Variants in TAB3 observed in about 807,000 individuals in gnomAD.
TAB3 encodes TGF-beta-activated kinase 1 and MAP3K7-binding protein 3.
Under a neutral mutation model 48.1 loss-of-function variants are expected in TAB3, and 18 were observed. The observed-to-expected ratio is 0.37, with a 90% confidence interval of 0.26 to 0.55. The LOEUF is 0.55. Ranked by LOEUF, TAB3 falls within the 20% of genes least tolerant of loss-of-function variation. The pLI is 0.78. For synonymous variants in TAB3, 185 were observed against 190.2 expected (o/e 0.97, Z 0.22); for missense variants, 414 against 549.8 (o/e 0.75, Z 2.47).
intron 8 of TAB3, chrX:30,846,106 AT>A: frequency 1.1e-6 from 1 of 918,101 alleles, no homozygotes; most frequent in Middle Eastern, 3.7e-4. Context: ...AACTATGATT[AT>A]AGTTGAATGT....
At chrX:30,878,516 A>AGAAAG (rs1555947183) in intron 1 of TAB3, among the ~76,000 whole-genome samples, 3 of 79,604 alleles carry the variant, frequency 3.8e-5, no homozygotes, top group Non-Finnish European at 6.9e-5. Flanking sequence ...AAAAAAAAAA[A>AGAAAG]AAAGAAAGAA....
chrX:30,834,081 T>C lies in TAB3; in HGVS notation c.1960A>G (p.Ile654Val), dbSNP rs1938113315. Residue 654 changes from isoleucine (I) to valine (V), a missense_variant, in exon 10 of 11, where the codon ATC becomes GTC. Coordinates refer to ENST00000288422, the MANE Select transcript of TAB3 (RefSeq NM_152787.5). ...ISVTSKVQAD[I>V]HDTQAAAADE... ...GCAGCTGCTGCCTGGGTGTCATGGA[T>C]GTCTGCCTGTACTTTGGAGGTCACG... 1 of 1,209,839 alleles carries C rather than the reference T, an allele frequency of 8.3e-7. No individual in the cohort carries two copies. Among genetic ancestry groups the C allele is most frequent in the Non-Finnish European group, 1.1e-6 (1 of 895,206 alleles).
intron 4 of TAB3, among the ~76,000 whole-genome samples, chrX:30,861,094 T>C (rs1774738326): frequency 8.9e-6 from 1 of 111,774 alleles, no homozygotes; most frequent in Non-Finnish European, 1.9e-5. Context: ...CTCCTATTTT[T>C]AGTCAGTTTA....
chrX:30,854,238 C>G lies in TAB3; in HGVS notation c.1427G>C (p.Arg476Pro). ...CTGAATAGGTTCTGGTGCTGCAGAG[C>G]GCTCTTCTTGGTCCACTAAATTTAA... is the stretch of plus-strand genomic sequence containing the variant. ...NLLNLVDQEE[R>P]SAAPEPIQPI... Residue 476 changes from arginine to proline, a missense_variant, in exon 6 of 11, where the codon CGC becomes CCC. Arg to Pro is a moderately radical substitution (Grantham distance 103). Transcript: ENST00000288422. 1 of 1,211,512 alleles carries G rather than the reference C, an allele frequency of 8.3e-7. No individual in the cohort carries two copies.
rs1401091167 is a variant in TAB3 at position 30,829,090 on chromosome X, C to A, written c.*2337G>T. 2 of 112,367 alleles carry A rather than the reference C, an allele frequency of 1.8e-5. No individual in the cohort carries two copies. The highest frequency in any genetic ancestry group is 6.5e-5 in the African/African-American group (2 of 30,808). 9.3% of individuals were successfully genotyped at this position (112,367 alleles called of 1,213,427 possible). A position where few individuals can be genotyped will look rare whatever the true frequency, so the allele number is the denominator to read the frequency against. ...ATACCGCATACCCCACCCTTTACAC[C>A]TATCCAATAGACTGTTTTCTCTCTT... On this transcript the variant is annotated 3_prime_UTR_variant, in exon 11 of 11. Coordinates refer to ENST00000288422, the MANE Select transcript of TAB3 (RefSeq NM_152787.5).
At chrX:30,850,489 G>T (rs1938796895) in intron 7 of TAB3, among the ~76,000 whole-genome samples, 1 of 110,791 alleles carries the variant, frequency 9.0e-6, no homozygotes, top group African/African-American at 3.3e-5. Flanking sequence ...GAGGCGGGCA[G>T]ATCACAAGGT....
rs750102674 is a variant in TAB3, at chrX:30,834,117, G to C, written c.1924C>G (p.Arg642Gly). The change falls in exon 10 of 11, where the codon CGA becomes GGA. Residue 642 changes from arginine (R) to glycine (G), a missense_variant. By Grantham distance (125) the Arg-to-Gly change is moderately radical. Coordinates refer to ENST00000288422, the MANE Select transcript of TAB3 (RefSeq NM_152787.5). The stretch of plus-strand genomic sequence containing the variant: ...ACTTTGGAGGTCACGCTAATTCTTC[G>C]GGCTTTTCTCTCAATTGTGCAGGGG... Reference protein sequence around the residue: ...SDPCTIERKARRISVTSKVQA... With the variant: ...SDPCTIERKAGRISVTSKVQA... 4.1e-6 allele frequency: 5 copies of C among 1,209,297 alleles called. No individual in the cohort carries two copies. The Admixed American group carries it at 6.6e-5, about 16-fold the overall frequency.
At chrX:30,839,035 C>T (rs1439829754) in intron 9 of TAB3, among the ~76,000 whole-genome samples, 1 of 109,637 alleles carries the variant, frequency 9.1e-6, no homozygotes, top group Non-Finnish European at 1.9e-5. Context: ...CCAGGTACAA[C>T]GTTGAATAAA....
At chrX:30,883,140 C>A (rs1940040460) in intron 1 of TAB3, among the ~76,000 whole-genome samples, 1 of 110,733 alleles carries the variant, frequency 9.0e-6, no homozygotes, top group African/African-American at 3.3e-5. Context: ...AAAATAAACC[C>A]CCCTAAACCC....
At chrX:30,846,866 T>A (rs1207706900) in intron 7 of TAB3, among the ~76,000 whole-genome samples, 1 of 111,700 alleles carries the variant, frequency 9.0e-6, no homozygotes, top group Non-Finnish European at 1.9e-5. Flanking sequence ...AATCTGCATA[T>A]AAAGTGGCGA....
At chrX:30,848,383 G>A (rs948236322) in intron 7 of TAB3, among the ~76,000 whole-genome samples, 7 of 111,448 alleles carry the variant, frequency 6.3e-5, no homozygotes, top group East Asian at 2.8e-4. Context: ...TTAGCTGGGC[G>A]TGGTGGTGCG....
chrX:30,845,443 C>A (rs1183521729), intron 8 of TAB3: 1 of 112,054 alleles, frequency 8.9e-6, no homozygotes, highest in Non-Finnish European at 1.9e-5. Flanking sequence ...CAAACCTTTT[C>A]TGTCAAGGGC....
At position 30,854,407 on chromosome X, in the gene TAB3, G is replaced by A. The variant is rs1938983756; in HGVS notation, c.1258C>T (p.Pro420Ser). ...PSRGISSQPKPPFSVNPVYIT... is the reference protein window; with the variant it reads ...PSRGISSQPKSPFSVNPVYIT... Reference sequence around the variant, plus strand: ...TACACAGGATTAACACTAAATGGAGGTTTTGGTTGACTAGATATCCCTCTT... The same window carrying A: ...TACACAGGATTAACACTAAATGGAGATTTTGGTTGACTAGATATCCCTCTT... The change falls in exon 6 of 11, where the codon CCT (proline) becomes TCT (serine). Residue 420 changes from proline (P) to serine (S), a missense_variant. Coordinates refer to ENST00000288422, the MANE Select transcript of TAB3 (RefSeq NM_152787.5). 8 of 1,211,729 alleles carry A rather than the reference G, an allele frequency of 6.6e-6. No homozygotes were observed. Among genetic ancestry groups the A allele is most frequent in the Non-Finnish European group, 8.9e-6 (8 of 895,429 alleles).
At position 30,830,426 on chromosome X, in the gene TAB3, A is replaced by T. The variant is rs1237945202; in HGVS notation, c.*1001T>A. ...ACAAAGTTTTATCTGTGCTGTAAAC[A>T]TCATGAATTTATCACAAAATTGGAA... is the stretch of plus-strand genomic sequence containing the variant. On this transcript the variant is annotated 3_prime_UTR_variant, in exon 11 of 11. Coordinates refer to ENST00000288422, the MANE Select transcript of TAB3 (RefSeq NM_152787.5). The T allele has an allele frequency of 9.0e-6, 1 of 110,989 alleles. No homozygotes were observed. The highest frequency in any genetic ancestry group is 1.9e-5 in the Non-Finnish European group (1 of 52,896). The allele number at this position is 110,989 out of a possible 1,213,427, so 9.1% of individuals were successfully genotyped here. A position where few individuals can be genotyped will look rare whatever the true frequency, so the allele number is the denominator to read the frequency against.
chrX:30,852,986 C>T (rs764198662), intron 6 of TAB3, 48 bp from the exon 7 acceptor site: 20 of 1,170,405 alleles, frequency 1.7e-5, no homozygotes, highest in Non-Finnish European at 2.1e-5. Flanking sequence ...ATTGAACAAG[C>T]GACTGGAAAA....
At chrX:30,859,150 G>A (rs758929185) in intron 5 of TAB3, among the ~76,000 whole-genome samples, 184 of 111,497 alleles carry the variant, frequency 1.7e-3, no homozygotes, top group African/African-American at 5.6e-3. Flanking sequence ...GTTCTCAATG[G>A]TGGGAGATTT....
rs775224898 is a variant in TAB3, at chrX:30,848,702, G to A, written c.1711-2058C>T. On this transcript the variant is annotated intron_variant, in intron 7 of 10. Coordinates refer to ENST00000288422, the MANE Select transcript of TAB3 (RefSeq NM_152787.5). ...CTGCCATTTGTCAAAAGTAGTTTTCGTGCAGGAGGAATTTCAAAATTGGGT... is the reference window on the plus strand; with the variant it reads ...CTGCCATTTGTCAAAAGTAGTTTTCATGCAGGAGGAATTTCAAAATTGGGT... 4.5e-5 allele frequency among the ~76,000 whole-genome samples: 5 copies of A among 112,038 alleles called. No individual in the cohort carries two copies. In the South Asian group the frequency reaches 1.1e-3, roughly 25 times the overall value.
chrX:30,860,886 A>ATT (rs1197426908), intron 4 of TAB3, among the ~76,000 whole-genome samples: 1 of 111,398 alleles, frequency 9.0e-6, no homozygotes. Context: ...GAATATTCCT[A>ATT]TTTTTCGGTA....
chrX:30,848,117 GA>G (rs1205452149), intron 7 of TAB3, among the ~76,000 whole-genome samples: 1 of 112,209 alleles, frequency 8.9e-6, no homozygotes, highest in African/African-American at 3.2e-5. Context: ...TCAAGCACCT[GA>G]AAAGGATTAT....
Sources: allele counts gnomAD v4.1 joint callset (sites outside exome capture counted in the v4.1 genomes callset), GRCh38; gene constraint gnomAD v4.1.1; transcripts MANE v1.5; gene names NCBI Gene and HGNC (gene_info 2026-07-23, HGNC 2026-07-21).